CBLB: variants seen among roughly 807,000 people sequenced by gnomAD.
CBLB encodes the protein E3 ubiquitin-protein ligase CBL-B.
In CBLB, 31 loss-of-function variants were observed where a neutral mutation model predicts 104.9. The ratio of observed to expected loss-of-function variants is 0.30; its 90% CI spans 0.22 to 0.40. The LOEUF is 0.40. CBLB is among the 10% of genes least tolerant of loss of function. The pLI is 1.00. For missense variants in CBLB, 1,062 were observed against 1,214.6 expected (o/e 0.87, Z 1.87); for synonymous variants, 440 against 422.6 (o/e 1.04, Z -0.51).
intron 3 of CBLB, among the ~76,000 whole-genome samples, chr3:105,846,798 C>A (rs1456208954): frequency 6.6e-6 from 1 of 151,962 alleles, no homozygotes; most frequent in East Asian, 1.9e-4. Context: ...ATAAACATGC[C>A]CATTAAACTG....
At chr3:105,807,547 T>C (rs1294346729) in intron 3 of CBLB, among the ~76,000 whole-genome samples, 2 of 152,174 alleles carry the variant, frequency 1.3e-5, no homozygotes, top group Non-Finnish European at 2.9e-5. Flanking sequence ...GAGAAACACA[T>C]ATAATTTAAT....
intron 9 of CBLB, among the ~76,000 whole-genome samples, chr3:105,726,167 C>A (rs1397051281): frequency 6.6e-6 from 1 of 152,114 alleles, no homozygotes; most frequent in Admixed American, 6.6e-5. Context: ...TTTCTTATTG[C>A]CTTAAAAGTG....
In CBLB at chr3:105,837,344, G is replaced by T. The variant is rs559425170; in HGVS notation, c.419+16070C>A. Among the ~76,000 whole-genome samples, 7 of 152,314 alleles carry T rather than the reference G, an allele frequency of 4.6e-5. No homozygotes were observed. In the South Asian group the frequency reaches 1.4e-3, roughly 32 times the overall value. ...ATGTCGAAAGCATAGATTTTTGGAGGATTCCCCAGTTGCCGAAAAGTCCTG... is the reference window on the plus strand; with the variant it reads ...ATGTCGAAAGCATAGATTTTTGGAGTATTCCCCAGTTGCCGAAAAGTCCTG... On this transcript the variant is annotated intron_variant, in intron 3 of 18. Coordinates refer to ENST00000394030, the MANE Select transcript of CBLB (RefSeq NM_170662.5).
chr3:105,761,899 T>C (rs1378622757), intron 4 of CBLB, among the ~76,000 whole-genome samples: 2 of 152,132 alleles, frequency 1.3e-5, no homozygotes, highest in African/African-American at 4.8e-5. Context: ...AAAATGCTGA[T>C]AGTGATATGG....
chr3:105,762,307 G>A (rs1418873263), intron 4 of CBLB: 1 of 152,206 alleles, frequency 6.6e-6, no homozygotes, highest in East Asian at 1.9e-4. Context: ...AAGTAAGGAG[G>A]AGCCAAATGT....
At chr3:105,811,044 T>G (rs899494660) in intron 3 of CBLB, among the ~76,000 whole-genome samples, 1 of 152,194 alleles carries the variant, frequency 6.6e-6, no homozygotes, top group Admixed American at 6.5e-5. Context: ...TTAGCAGATA[T>G]GTATGTGATT....
intron 10 of CBLB, among the ~76,000 whole-genome samples, chr3:105,706,465 A>G (rs1186453886): frequency 6.6e-6 from 1 of 152,208 alleles, no homozygotes; most frequent in Non-Finnish European, 1.5e-5. Flanking sequence ...TTAACAAAAG[A>G]ATAGTTCTAC....
intron 6 of CBLB, among the ~76,000 whole-genome samples, chr3:105,741,355 A>AT (rs2075556905): frequency 6.7e-6 from 1 of 149,198 alleles, no homozygotes; most frequent in Non-Finnish European, 1.5e-5. Flanking sequence ...CGCCCAGCTA[A>AT]TTTTTTGTAT....
intron 6 of CBLB, among the ~76,000 whole-genome samples, chr3:105,743,450 ACT>A (rs1189166651): frequency 3.0e-5 from 4 of 134,292 alleles, no homozygotes; most frequent in African/African-American, 1.1e-4. Context: ...ACACAGTGAG[ACT>A]CTGTCTCAAA....
chr3:105,730,215 G>A (rs554347126), intron 9 of CBLB, among the ~76,000 whole-genome samples: 97 of 151,960 alleles, frequency 6.4e-4, no homozygotes, highest in African/African-American at 2.1e-3. Context: ...TACAATAAAC[G>A]TAAAATAACA....
At position 105,670,275 on chromosome 3, in the gene CBLB, T is replaced by C. The variant is rs35835913; in HGVS notation, c.2647A>G (p.Asn883Asp). Residue 883 changes from asparagine (N) to aspartate (D), a missense_variant, in exon 18 of 19, where the codon AAC (asparagine) becomes GAC (aspartate). Asn to Asp is a conservative substitution (Grantham distance 23). Around this residue, in one of 2 missense-constraint regions of CBLB, gnomAD observed 605 missense variants for 582.6 expected, o/e 1.04. Coordinates refer to ENST00000394030, the MANE Select transcript of CBLB (RefSeq NM_170662.5). Reference sequence around the variant, plus strand: ...TGATCATAGTCCTGTGATGTTCTGTTAGTTTTGACATTTTCACCTGGTAAC... The same window carrying C: ...TGATCATAGTCCTGTGATGTTCTGTCAGTTTTGACATTTTCACCTGGTAAC... ...RRLPGENVKT[N>D]RTSQDYDQLP... The C allele has an allele frequency of 3.3e-3, 5,326 of 1,613,210 alleles. 140 individuals carry two copies. In the African/African-American group the frequency reaches 0.062, roughly 19 times the overall value.
intron 13 of CBLB, 57 bp downstream of exon 13, chr3:105,693,437 C>T (rs1250049014): frequency 9.9e-7 from 1 of 1,007,136 alleles, no homozygotes; most frequent in Non-Finnish European, 1.4e-6. Context: ...CCTCTCAAAA[C>T]CACTCTACCA....
chr3:105,818,227 A>G (rs1420325417), intron 3 of CBLB, among the ~76,000 whole-genome samples: 2 of 152,176 alleles, frequency 1.3e-5, no homozygotes, highest in African/African-American at 4.8e-5. Context: ...ATCATGTAAA[A>G]TCGAATCCTA....
chr3:105,683,161 A>T lies in CBLB; in HGVS notation c.2202-1343T>A, dbSNP rs183876283. Among the ~76,000 whole-genome samples the T allele has an allele frequency of 8.9e-4, 135 of 152,346 alleles. 1 individual carries two copies. The highest frequency in any genetic ancestry group is 3.1e-3 in the African/African-American group (130 of 41,570). Reference sequence around the variant, plus strand: ...AATAGTTATCATGTATTGAATCTTCATAATAATGATGGATTTTTACTGAAA... The same window carrying T: ...AATAGTTATCATGTATTGAATCTTCTTAATAATGATGGATTTTTACTGAAA... On this transcript the variant is annotated intron_variant, in intron 14 of 18. Coordinates refer to ENST00000394030, the MANE Select transcript of CBLB (RefSeq NM_170662.5).
At chr3:105,830,658 T>C (rs2087361268) in intron 3 of CBLB, among the ~76,000 whole-genome samples, 1 of 152,216 alleles carries the variant, frequency 6.6e-6, no homozygotes, top group African/African-American at 2.4e-5. Context: ...TAAAAATCTG[T>C]TTATATAATT....
Position 105,685,408 on chromosome 3 carries a change from C to T in CBLB, c.2113G>A (p.Asp705Asn). The change falls in exon 14 of 19, where the codon GAT becomes AAT. Residue 705 changes from aspartate (D) to asparagine (N), a missense_variant. Around this residue, in one of 2 missense-constraint regions of CBLB, gnomAD observed 605 missense variants for 582.6 expected, o/e 1.04. Transcript: ENST00000394030. ...GAAGGAATCTTGTATTCATCATCAT[C>T]TTCCTCTACTGGGTCTCTTGTTTTC... The part of the protein sequence containing the change: ...SEKTRDPVEE[D>N]DDEYKIPSSH... 6.2e-7 allele frequency: 1 copy of T among 1,611,716 alleles called. No homozygotes were observed. Among genetic ancestry groups the T allele is most frequent in the Non-Finnish European group, 8.5e-7 (1 of 1,177,946 alleles).
chr3:105,843,011 G>T (rs1301937146), intron 3 of CBLB, among the ~76,000 whole-genome samples: 1 of 152,154 alleles, frequency 6.6e-6, no homozygotes, highest in African/African-American at 2.4e-5. Context: ...GGTCAAATTT[G>T]GTCTGGCTCA....
At chr3:105,715,480 C>A (rs777237175) in intron 10 of CBLB, among the ~76,000 whole-genome samples, 38 of 152,260 alleles carry the variant, frequency 2.5e-4, no homozygotes, top group Admixed American at 5.9e-4. Context: ...TATTTATGAA[C>A]TCCAGCTGTG....
At chr3:105,813,615 G>C (rs56344829) in intron 3 of CBLB, among the ~76,000 whole-genome samples, 17,469 of 152,030 alleles carry the variant, frequency 0.11, 1,134 homozygotes, top group African/African-American at 0.16. Flanking sequence ...AGTCTTTAAA[G>C]GTTTGTAAGG....
Sources: allele counts gnomAD v4.1 joint callset (sites outside exome capture counted in the v4.1 genomes callset), GRCh38; gene constraint gnomAD v4.1.1; regional missense constraint gnomAD v4.1.1; transcripts MANE v1.5; gene names NCBI Gene and HGNC (gene_info 2026-07-23, HGNC 2026-07-21).